The following NTM variants were observed in gnomAD, a reference collection of about 807,000 sequenced individuals.
The protein encoded by NTM is neurotrimin.
In NTM, 13 loss-of-function variants were observed where a neutral mutation model predicts 42.1. The observed-to-expected ratio is 0.31, with a 90% CI of 0.20 to 0.49. The LOEUF (loss-of-function observed/expected upper bound fraction) is 0.49, where lower values mean the gene tolerates loss of function less well. Among genes scored for constraint, NTM ranks in the 20% least tolerant of loss-of-function variants. The pLI, the probability that NTM is intolerant of heterozygous loss-of-function variation, is 0.99. For missense variants in NTM, 373 were observed against 452.8 expected, an observed-to-expected ratio of 0.82 and a Z score of 1.60; for synonymous variants, 187 against 179.2, an observed-to-expected ratio of 1.04 and a Z score of -0.35.
At chr11:131,418,921 C>CAGA (rs1947228204) in intron 1 of NTM, among the ~76,000 whole-genome samples, 3 of 152,162 alleles carry the variant, frequency 2.0e-5, no homozygotes, top group Non-Finnish European at 4.4e-5. Context: ...ATGAACACTT[C>CAGA]ACCTATTGTT....
intron 4 of NTM, among the ~76,000 whole-genome samples, chr11:132,267,755 T>TC (rs2093275725): frequency 6.6e-6 from 1 of 150,854 alleles, no homozygotes; most frequent in Admixed American, 6.6e-5. Context: ...TGCAGGAGAA[T>TC]CACTTGAACT....
intron 1 of NTM, among the ~76,000 whole-genome samples, chr11:131,874,044 T>TATATAATAATATAATATA (rs2048234971): frequency 8.9e-5 from 5 of 56,142 alleles, no homozygotes; most frequent in African/African-American, 3.4e-4. Context: ...TATATATATA[T>TATATAATAATATAATATA]ATATATATAT....
rs994866659 is a variant in NTM, at chr11:132,099,996, C to T, written c.168-46286C>T. On this transcript the variant is annotated intron_variant, in intron 2 of 8. Transcript: ENST00000683400. ...CATTGAGATCCCTTTCTACTCACCA[C>T]CCCCTAAACTTCTCCTTTGAGACAC... 3.3e-5 allele frequency among the ~76,000 whole-genome samples: 5 copies of T among 152,134 alleles called. 1 individual carries two copies. Among genetic ancestry groups the T allele is most frequent in the African/African-American group, 9.7e-5 (4 of 41,436 alleles).
intron 1 of NTM, among the ~76,000 whole-genome samples, chr11:131,725,764 G>C (rs1388462467): frequency 6.6e-6 from 1 of 152,180 alleles, no homozygotes; most frequent in Non-Finnish European, 1.5e-5. Flanking sequence ...GGATGGTGTT[G>C]AGCTGAAGAA....
chr11:132,081,093 G>A (rs1018778822), intron 2 of NTM, among the ~76,000 whole-genome samples: 5 of 152,226 alleles, frequency 3.3e-5, no homozygotes, highest in African/African-American at 1.2e-4. Flanking sequence ...TGTAAATGCT[G>A]TAGTCCCTCA....
At chr11:131,772,732 C>T (rs928823960) in intron 1 of NTM, among the ~76,000 whole-genome samples, 1 of 152,082 alleles carries the variant, frequency 6.6e-6, no homozygotes, top group Admixed American at 6.5e-5. Context: ...ATGGAAACTG[C>T]GAGATAACAA....
At chr11:131,420,554 T>C (rs926015995) in intron 1 of NTM, among the ~76,000 whole-genome samples, 4 of 152,164 alleles carry the variant, frequency 2.6e-5, no homozygotes, top group Admixed American at 2.6e-4. Context: ...GCTGAGTACA[T>C]TGTGGAGGCT....
intron 4 of NTM, among the ~76,000 whole-genome samples, chr11:132,291,241 G>A (rs1323588170): frequency 6.6e-6 from 1 of 152,218 alleles, no homozygotes; most frequent in African/African-American, 2.4e-5. Flanking sequence ...GTGAACAGAA[G>A]AGGATGGATT....
chr11:131,392,028 A>T (rs1784637200), intron 1 of NTM, among the ~76,000 whole-genome samples: 1 of 152,268 alleles, frequency 6.6e-6, no homozygotes, highest in South Asian at 2.1e-4. Flanking sequence ...TTCAATTTTC[A>T]TATTTGTCAG....
intron 2 of NTM, among the ~76,000 whole-genome samples, chr11:131,987,411 ATTCT>A (rs2066250815): frequency 6.6e-6 from 1 of 151,484 alleles, no homozygotes; most frequent in Admixed American, 6.6e-5. Flanking sequence ...ATTCTATTCT[ATTCT>A]ATTCTATTCT....
At chr11:131,601,187 T>C (rs543031291) in intron 1 of NTM, among the ~76,000 whole-genome samples, 13 of 152,296 alleles carry the variant, frequency 8.5e-5, no homozygotes, top group African/African-American at 3.1e-4. Context: ...CTTGGACAGC[T>C]CTGTGGTCTG....
chr11:132,011,621 A>G (rs990750784), intron 2 of NTM, among the ~76,000 whole-genome samples: 1 of 152,180 alleles, frequency 6.6e-6, no homozygotes, highest in African/African-American at 2.4e-5. Flanking sequence ...TTCTTATAAC[A>G]ATTCTATGAC....
intron 4 of NTM, among the ~76,000 whole-genome samples, chr11:132,292,426 G>A (rs1351048519): frequency 1.3e-5 from 2 of 152,174 alleles, no homozygotes; most frequent in East Asian, 3.9e-4. Context: ...CCACCTCAGT[G>A]GAGCAGGAGA....
At chr11:131,782,587 C>T (rs1158342984) in intron 1 of NTM, among the ~76,000 whole-genome samples, 1 of 151,972 alleles carries the variant, frequency 6.6e-6, no homozygotes, top group African/African-American at 2.4e-5. Context: ...TAAACATGGA[C>T]ACAACAGTCC....
chr11:132,230,178 A>C (rs2087202728), intron 4 of NTM, among the ~76,000 whole-genome samples: 1 of 152,176 alleles, frequency 6.6e-6, no homozygotes, highest in Non-Finnish European at 1.5e-5. Context: ...TTTGAGTACA[A>C]AGGGATTGAT....
chr11:132,305,369 G>A (rs925113475), intron 4 of NTM, among the ~76,000 whole-genome samples: 26 of 152,158 alleles, frequency 1.7e-4, no homozygotes, highest in African/African-American at 5.3e-4. Context: ...TCCCTGCTCC[G>A]ACCCTGGAGC....
chr11:132,076,342 G>A lies in NTM; in HGVS notation c.168-69940G>A, dbSNP rs1030707133. The stretch of plus-strand genomic sequence containing the variant: ...AAAAATTCACTTACCAGATCTGCAG[G>A]TGGTTGGGACTTGGACCATGGGCTG... On this transcript the variant is annotated intron_variant, in intron 2 of 8. Transcript: ENST00000683400. 2.6e-4 allele frequency among the ~76,000 whole-genome samples: 40 copies of A among 152,126 alleles called. 1 individual carries two copies. Among genetic ancestry groups the A allele is most frequent in the Non-Finnish European group, 1.0e-4 (7 of 68,030 alleles).
intron 1 of NTM, among the ~76,000 whole-genome samples, chr11:131,699,444 A>C (rs1408570902): frequency 6.6e-6 from 1 of 152,186 alleles, no homozygotes; most frequent in African/African-American, 2.4e-5. Context: ...TGCAAAGGAG[A>C]AGCATCAAAT....
intron 1 of NTM, among the ~76,000 whole-genome samples, chr11:131,461,695 T>C (rs926598546): frequency 1.4e-5 from 1 of 74,072 alleles, no homozygotes; most frequent in South Asian, 5.3e-4. Flanking sequence ...ATCTTAAGTA[T>C]TTTTACCACA....
Sources: gnomAD v4.1 joint callset for allele counts (sites outside exome capture counted in the v4.1 genomes callset) on GRCh38, gnomAD v4.1.1 for gene constraint, MANE v1.5 for transcripts, NCBI Gene and HGNC (gene_info 2026-07-23, HGNC 2026-07-21) for gene names.